Variants in FLACC1 observed in about 807,000 individuals in gnomAD.
FLACC1 encodes flagellum associated containing coiled-coil domains 1.
FLACC1 carries 66 observed loss-of-function variants against 62.8 expected under a neutral mutation model. The ratio of observed to expected loss-of-function variants is 1.05; its 90% CI spans 0.86 to 1.29. FLACC1 has a LOEUF of 1.29. Ranked by LOEUF, FLACC1 falls within the 50% of genes most tolerant of loss-of-function variation. The pLI, the probability that FLACC1 is intolerant of heterozygous loss-of-function variation, is 0.00. For synonymous variants in FLACC1, 156 were observed against 161.0 expected, an observed-to-expected ratio of 0.97 and a Z score of 0.24; for missense variants, 452 against 489.1, an observed-to-expected ratio of 0.92 and a Z score of 0.71.
chr2:201,302,275 G>T (rs973108354), intron 11 of FLACC1, among the ~76,000 whole-genome samples: 1 of 152,156 alleles, frequency 6.6e-6, no homozygotes, highest in African/African-American at 2.4e-5. Flanking sequence ...GGCAGGGGTT[G>T]CAATCCTAGT....
At chr2:201,351,663 G>T (rs1351620680) in intron 1 of FLACC1, among the ~76,000 whole-genome samples, 2 of 152,204 alleles carry the variant, frequency 1.3e-5, no homozygotes, top group African/African-American at 2.4e-5. Context: ...GCCATAACTG[G>T]CTGGGCATGG....
chr2:201,338,950 C>T (rs1950749483), intron 7 of FLACC1, among the ~76,000 whole-genome samples: 1 of 152,082 alleles, frequency 6.6e-6, no homozygotes, highest in South Asian at 2.1e-4. Flanking sequence ...GGAGAATTTC[C>T]TCCTCTTCAA....
At chr2:201,342,746 C>T (rs888865870) in intron 6 of FLACC1, among the ~76,000 whole-genome samples, 1 of 152,206 alleles carries the variant, frequency 6.6e-6, no homozygotes, top group African/African-American at 2.4e-5. Context: ...TCTGTTACAT[C>T]ATGGCCTTCA....
At chr2:201,334,845 T>C (rs981874689) in intron 7 of FLACC1, among the ~76,000 whole-genome samples, 15 of 152,068 alleles carry the variant, frequency 9.9e-5, no homozygotes, top group Non-Finnish European at 1.9e-4. Context: ...TTCACTTTTT[T>C]AGAAGAATCT....
chr2:201,300,241 C>T (rs2882082), intron 11 of FLACC1, among the ~76,000 whole-genome samples: 3,104 of 152,278 alleles, frequency 0.02, 113 homozygotes, highest in African/African-American at 0.072. Flanking sequence ...TGTGCTTTTC[C>T]AACAGTCTTA....
intron 9 of FLACC1, among the ~76,000 whole-genome samples, chr2:201,318,479 C>A (rs183566310): frequency 1.3e-5 from 2 of 151,944 alleles, no homozygotes; most frequent in African/African-American, 4.8e-5. Flanking sequence ...AAATGGCCAA[C>A]AAACATATGA....
intron 12 of FLACC1, among the ~76,000 whole-genome samples, chr2:201,294,535 G>A (rs1455704027): frequency 1.3e-5 from 2 of 152,088 alleles, no homozygotes; most frequent in East Asian, 3.8e-4. Context: ...AATAATAAGA[G>A]CTATCTATGA....
At chr2:201,325,196 G>A (rs1950480326) in intron 9 of FLACC1, among the ~76,000 whole-genome samples, 1 of 152,054 alleles carries the variant, frequency 6.6e-6, no homozygotes, top group South Asian at 2.1e-4. Context: ...AGTTTATAGT[G>A]CTAAACGCCT....
At chr2:201,330,894 T>C (rs1950581271) in intron 7 of FLACC1, 61 bp from the exon 8 acceptor site, 1 of 1,366,890 alleles carries the variant, frequency 7.3e-7, no homozygotes, top group Non-Finnish European at 1.0e-6. Flanking sequence ...GCTGAGCTGT[T>C]ACCCTGATCT....
At chr2:201,342,279 T>G in intron 7 of FLACC1, 91 bp downstream of exon 7, 2 of 1,306,916 alleles carry the variant, frequency 1.5e-6, no homozygotes, top group Non-Finnish European at 1.1e-6. Flanking sequence ...CATTTAGAAC[T>G]ATTTGAAGTC....
intron 9 of FLACC1, among the ~76,000 whole-genome samples, chr2:201,328,960 T>C (rs962499942): frequency 6.6e-6 from 1 of 152,192 alleles, no homozygotes; most frequent in African/African-American, 2.4e-5. Flanking sequence ...ATACTTTTAA[T>C]GTGTTTGACA....
chr2:201,349,945 C>A (rs191491517), intron 3 of FLACC1, among the ~76,000 whole-genome samples: 488 of 152,322 alleles, frequency 3.2e-3, no homozygotes, highest in African/African-American at 0.011. Context: ...ACCCCAAAAT[C>A]TACATGTAGG....
At chr2:201,298,520 C>T (rs1184169812) in intron 12 of FLACC1, among the ~76,000 whole-genome samples, 1 of 152,146 alleles carries the variant, frequency 6.6e-6, no homozygotes, top group African/African-American at 2.4e-5. Flanking sequence ...CGTAGACAAG[C>T]TCATGAAAAT....
intron 9 of FLACC1, among the ~76,000 whole-genome samples, chr2:201,328,413 T>C (rs1357581962): frequency 6.6e-6 from 1 of 151,996 alleles, no homozygotes; most frequent in African/African-American, 2.4e-5. Context: ...ATTTATTTCT[T>C]TTTTATTTTA....
chr2:201,351,132 T>A (rs2125624066), intron 2 of FLACC1, among the ~76,000 whole-genome samples, 160 bp downstream of exon 2: 1 of 152,288 alleles, frequency 6.6e-6, no homozygotes, highest in Admixed American at 6.5e-5. Flanking sequence ...AAGATGAGGG[T>A]GCAGCCAACC....
the FLACC1 span, among the ~76,000 whole-genome samples, chr2:201,364,045 T>C: frequency 6.6e-6 from 1 of 152,202 alleles, no homozygotes. Flanking sequence ...GCTCATTGCC[T>C]GAGGTAACAG....
intron 7 of FLACC1, among the ~76,000 whole-genome samples, chr2:201,339,088 T>C (rs1468095723): frequency 6.6e-6 from 1 of 152,156 alleles, no homozygotes; most frequent in Admixed American, 6.6e-5. Flanking sequence ...GATTCAACCT[T>C]GCTACTCATT....
At chr2:201,363,632 T>C in the FLACC1 span, among the ~76,000 whole-genome samples, 1 of 150,792 alleles carries the variant, frequency 6.6e-6, no homozygotes, top group Non-Finnish European at 1.5e-5. Context: ...GAGGTCTTGG[T>C]ATGGGGGGCC....
At chr2:201,362,168 G>GT (rs1951190807), upstream of FLACC1, among the ~76,000 whole-genome samples, 4 of 152,166 alleles carry the variant, frequency 2.6e-5, no homozygotes, top group South Asian at 6.2e-4. Context: ...TCATCAGAAG[G>GT]TTTTTTGGAC....
Sources: allele counts gnomAD v4.1 joint callset (sites outside exome capture counted in the v4.1 genomes callset), GRCh38; gene constraint gnomAD v4.1.1; transcripts MANE v1.5; gene names NCBI Gene and HGNC (gene_info 2026-07-23, HGNC 2026-07-21).